The following ALCAM variants were observed in gnomAD, a reference collection of about 807,000 sequenced individuals.
ALCAM encodes the protein activated leukocyte cell adhesion molecule.
In ALCAM, 30 loss-of-function variants were observed where a neutral mutation model predicts 70.9. The observed-to-expected ratio is 0.42, with a 90% CI of 0.32 to 0.57. The LOEUF is 0.57. ALCAM is among the 20% of genes least tolerant of loss of function. The pLI is 0.11. For synonymous variants in ALCAM, 249 were observed against 242.5 expected (o/e 1.03, Z -0.25); for missense variants, 591 against 695.1 (o/e 0.85, Z 1.68).
chr3:105,367,575 C>A, intron 1 of ALCAM, 94 bp downstream of exon 1: 1 of 1,462,786 alleles, frequency 6.8e-7, no homozygotes, highest in Non-Finnish European at 9.5e-7. Context: ...AGGCAGTGCG[C>A]CCAGGCGCGT....
chr3:105,471,294 A>G (rs1042083442), intron 1 of ALCAM, among the ~76,000 whole-genome samples: 5 of 149,218 alleles, frequency 3.4e-5, no homozygotes, highest in Non-Finnish European at 7.4e-5. Context: ...AACTGTTAAA[A>G]GAAAAAGAAA....
chr3:105,374,522 GT>G (rs1935329393), intron 1 of ALCAM, among the ~76,000 whole-genome samples: 1 of 151,708 alleles, frequency 6.6e-6, no homozygotes, highest in Non-Finnish European at 1.5e-5. Flanking sequence ...TTTTGTTTTT[GT>G]TTTTGTTTTT....
Position 105,413,075 on chromosome 3 carries a change from C to A in ALCAM, c.73+45594C>A, listed in dbSNP as rs140502968. On this transcript the variant is annotated intron_variant, in intron 1 of 15. Coordinates refer to ENST00000306107, the MANE Select transcript of ALCAM (RefSeq NM_001627.4). The stretch of plus-strand genomic sequence containing the variant: ...TCTTGCCATTCAGGTAGACCCAGTT[C>A]TAAACAAAAGTTCTACCACCAACTA... 9.9e-5 allele frequency among the ~76,000 whole-genome samples: 15 copies of A among 152,188 alleles called. No individual in the cohort carries two copies. In the East Asian group the frequency reaches 2.7e-3, roughly 28 times the overall value.
intron 1 of ALCAM, among the ~76,000 whole-genome samples, chr3:105,403,965 A>C (rs1936155816): frequency 6.6e-6 from 1 of 151,132 alleles, no homozygotes; most frequent in South Asian, 2.1e-4. Flanking sequence ...CAGCAATAGA[A>C]TTGAACAAGC....
At chr3:105,389,027 T>C (rs1935728924) in intron 1 of ALCAM, among the ~76,000 whole-genome samples, 1 of 151,584 alleles carries the variant, frequency 6.6e-6, no homozygotes, top group Non-Finnish European at 1.5e-5. Flanking sequence ...GAATTCTTTG[T>C]TGAATGAACA....
At chr3:105,486,522 A>G (rs994834121) in intron 1 of ALCAM, among the ~76,000 whole-genome samples, 1 of 152,178 alleles carries the variant, frequency 6.6e-6, no homozygotes, top group Non-Finnish European at 1.5e-5. Flanking sequence ...AACAAATTGT[A>G]CAATACAGTC....
At position 105,394,363 on chromosome 3, in the gene ALCAM, G is replaced by A. The variant is rs548578186; in HGVS notation, c.73+26882G>A. 1.2e-4 allele frequency among the ~76,000 whole-genome samples: 18 copies of A among 151,996 alleles called. No homozygotes were observed. The South Asian group carries it at 3.5e-3, about 30-fold the overall frequency. On this transcript the variant is annotated intron_variant, in intron 1 of 15. Transcript: ENST00000306107. Reference sequence around the variant, plus strand: ...ATGAGGGAAGCATAGGCATGTTGAGGTACTTATCTCCTGCAGAGCAAACAC... The same window carrying A: ...ATGAGGGAAGCATAGGCATGTTGAGATACTTATCTCCTGCAGAGCAAACAC...
intron 1 of ALCAM, among the ~76,000 whole-genome samples, chr3:105,516,633 C>A (rs1339873072): frequency 6.6e-6 from 1 of 151,966 alleles, no homozygotes. Flanking sequence ...CATTTTATAT[C>A]GTATTGTATG....
chr3:105,532,045 C>T lies in ALCAM; in HGVS notation c.438C>T (p.Leu146=), dbSNP rs745734770. Residue 146 remains leucine (L), a synonymous_variant, in exon 4 of 16, where the codon CTC becomes CTT. Transcript: ENST00000306107. ...AAATTGTAAGCAAAGCACTGTTTCT[C>T]GAAACAGAGCAGCTAAAAAAGGTAA... is the stretch of plus-strand genomic sequence containing the variant. ...KPEIVSKALF[L]ETEQLKKLGD... is the part of the protein sequence containing the mutation. The T allele has an allele frequency of 5.0e-6, 8 of 1,613,228 alleles. No individual in the cohort carries two copies. Among genetic ancestry groups the T allele is most frequent in the East Asian group, 2.2e-5 (1 of 44,836 alleles).
At chr3:105,443,218 CATT>C (rs1311947664) in intron 1 of ALCAM, among the ~76,000 whole-genome samples, 7 of 152,156 alleles carry the variant, frequency 4.6e-5, no homozygotes, top group Admixed American at 2.6e-4. Context: ...GAAATGGAAA[CATT>C]ATCCATTCAA....
Position 105,547,627 on chromosome 3 carries a change from G to A in ALCAM, c.1374+104G>A, listed in dbSNP as rs1317067837. 5.5e-6 allele frequency: 8 copies of A among 1,449,056 alleles called. No individual in the cohort carries two copies. The African/African-American group carries it at 1.0e-4, about 18-fold the overall frequency. 89.8% of individuals were successfully genotyped at this position (1,449,056 alleles called of 1,614,324 possible). A position where few individuals can be genotyped will look rare whatever the true frequency, so the allele number is the denominator to read the frequency against. On this transcript the variant is annotated intron_variant, in intron 11 of 15. Coordinates refer to ENST00000306107, the MANE Select transcript of ALCAM (RefSeq NM_001627.4). Reference sequence around the variant, plus strand: ...GGTTTGTTACCACATAAAATTTGCAGTGTGTAGGTTGGTTTGTTACCACAT... The same window carrying A: ...GGTTTGTTACCACATAAAATTTGCAATGTGTAGGTTGGTTTGTTACCACAT...
At chr3:105,436,617 A>T (rs899127590) in intron 1 of ALCAM, among the ~76,000 whole-genome samples, 26 of 152,314 alleles carry the variant, frequency 1.7e-4, no homozygotes, top group Admixed American at 5.2e-4. Context: ...ATGAGCCTGT[A>T]TTTAATTTTT....
intron 1 of ALCAM, among the ~76,000 whole-genome samples, chr3:105,469,974 C>T (rs1937875763): frequency 6.6e-6 from 1 of 150,460 alleles, no homozygotes; most frequent in Non-Finnish European, 1.5e-5. Context: ...TCATTCTTAC[C>T]TCATAGGGGC....
At chr3:105,454,645 G>T (rs1321782775) in intron 1 of ALCAM, among the ~76,000 whole-genome samples, 1 of 131,136 alleles carries the variant, frequency 7.6e-6, no homozygotes. Context: ...CATAGTAGAT[G>T]CTCATTAATT....
rs149366678 is a variant in ALCAM at position 105,524,386 on chromosome 3, A to C, written c.272A>C (p.Asn91Thr). Residue 91 changes from asparagine to threonine, a missense_variant, in exon 3 of 16, where the codon AAC becomes ACC. Around this residue, in one of 2 missense-constraint regions of ALCAM, gnomAD observed 427 missense variants for 450.4 expected, o/e 0.95. Transcript: ENST00000306107. ...GTACCAGAATACAAAGACAGATTGA[A>C]CCTCTCAGAAAACTACACTTTGTCT... is the stretch of plus-strand genomic sequence containing the variant. ...DDVPEYKDRL[N>T]LSENYTLSIS... 6.2e-7 allele frequency: 1 copy of C among 1,614,044 alleles called. No homozygotes were observed. The highest frequency in any genetic ancestry group is 1.3e-5 in the African/African-American group (1 of 74,922).
At chr3:105,446,610 T>TAC (rs59828133) in intron 1 of ALCAM, among the ~76,000 whole-genome samples, 3,568 of 144,064 alleles carry the variant, frequency 0.025, 67 homozygotes, top group South Asian at 0.054. Flanking sequence ...AAATTTGGTG[T>TAC]ACACACACAC....
chr3:105,507,322 G>C (rs1017054234), intron 1 of ALCAM, among the ~76,000 whole-genome samples: 4 of 151,816 alleles, frequency 2.6e-5, no homozygotes, highest in Non-Finnish European at 2.9e-5. Flanking sequence ...CTGTTGTGTT[G>C]TACATTTTAT....
chr3:105,570,680 A>G (rs1358933849), intron 14 of ALCAM, among the ~76,000 whole-genome samples: 1 of 152,236 alleles, frequency 6.6e-6, no homozygotes, highest in Non-Finnish European at 1.5e-5. Flanking sequence ...TCACCCTATG[A>G]CATCCTATAG....
intron 1 of ALCAM, among the ~76,000 whole-genome samples, chr3:105,501,726 C>T (rs1938927206): frequency 6.6e-6 from 1 of 152,076 alleles, no homozygotes; most frequent in Non-Finnish European, 1.5e-5. Context: ...TTAAATGAAA[C>T]AGTACTATGC....
Sources: gnomAD v4.1 joint callset for allele counts (sites outside exome capture counted in the v4.1 genomes callset) on GRCh38, gnomAD v4.1.1 for gene constraint, gnomAD v4.1.1 regional missense constraint, MANE v1.5 for transcripts, NCBI Gene and HGNC (gene_info 2026-07-23, HGNC 2026-07-21) for gene names.